The following PELO variants were observed in gnomAD, a reference collection of about 807,000 sequenced individuals.
PELO encodes protein pelota homolog.
PELO carries 19 observed loss-of-function variants against 25.9 expected under a neutral mutation model. That is an observed-to-expected ratio of 0.73 (90% CI 0.51 to 1.08). The LOEUF (loss-of-function observed/expected upper bound fraction) is 1.08, where lower values mean the gene tolerates loss of function less well. PELO is among the 50% of genes least tolerant of loss of function. The pLI is 0.00. For missense variants in PELO, 498 were observed against 491.4 expected, an observed-to-expected ratio of 1.01 and a Z score of -0.13; for synonymous variants, 196 against 192.2, an observed-to-expected ratio of 1.02 and a Z score of -0.16.
intron 1 of PELO, among the ~76,000 whole-genome samples, chr5:52,793,720 G>A (rs1023984010): frequency 2.0e-5 from 3 of 151,974 alleles, no homozygotes; most frequent in Non-Finnish European, 4.4e-5. Flanking sequence ...CTCTTCAAGT[G>A]CCAAGTTTAT....
chr5:52,798,037 T>C (rs1288276402), intron 1 of PELO, among the ~76,000 whole-genome samples: 1 of 152,194 alleles, frequency 6.6e-6, no homozygotes, highest in African/African-American at 2.4e-5. Context: ...CTCTCTCTCT[T>C]TCTCTCTCAC....
At position 52,802,837 on chromosome 5, in the gene PELO, T is replaced by G. The variant is rs1748515727; in HGVS notation, c.*997T>G. The G allele has an allele frequency of 6.6e-6, 1 of 152,224 alleles. No homozygotes were observed. Among genetic ancestry groups the G allele is most frequent in the South Asian group, 2.1e-4 (1 of 4,836 alleles). 9.4% of individuals were successfully genotyped at this position (152,224 alleles called of 1,614,324 possible). A position where few individuals can be genotyped will look rare whatever the true frequency, so the allele number is the denominator to read the frequency against. ...AGTCACATGACTAGTATGTGGCAGT[T>G]GACTTAAACTCCAATACTCTTTACT... is the stretch of plus-strand genomic sequence containing the variant. On this transcript the variant is annotated 3_prime_UTR_variant, in exon 3 of 3. Transcript: ENST00000274311.
intron 1 of PELO, among the ~76,000 whole-genome samples, chr5:52,793,026 A>G (rs1318480787): frequency 1.3e-5 from 2 of 152,132 alleles, no homozygotes; most frequent in Non-Finnish European, 2.9e-5. Context: ...GGGACTTTGC[A>G]TAAGTAGTTA....
intron 2 of PELO, 71 bp downstream of exon 2, chr5:52,801,191 A>G (rs746484504): frequency 4.9e-5 from 69 of 1,415,252 alleles, no homozygotes; most frequent in Non-Finnish European, 6.0e-5. Context: ...CTAAAGTTTT[A>G]GAACTGGGAA....
Position 52,803,798 on chromosome 5 carries a change from C to T in PELO, c.*1958C>T, listed in dbSNP as rs191497678. The T allele has an allele frequency of 5.3e-5, 8 of 152,190 alleles. No individual in the cohort carries two copies. In the East Asian group the frequency reaches 1.4e-3, roughly 26 times the overall value. The allele number at this position is 152,190 out of a possible 1,614,324, so 9.4% of individuals were successfully genotyped here. A position where few individuals can be genotyped will look rare whatever the true frequency, so the allele number is the denominator to read the frequency against. ...TCTTTTGTAGACCTACTGAGACAGGCGCTACCTGTACCAACATCTCTAGAT... is the reference window on the plus strand; with the variant it reads ...TCTTTTGTAGACCTACTGAGACAGGTGCTACCTGTACCAACATCTCTAGAT... On this transcript the variant is annotated 3_prime_UTR_variant, in exon 3 of 3. Transcript: ENST00000274311.
chr5:52,798,465 G>A (rs191245718), intron 1 of PELO, among the ~76,000 whole-genome samples: 21 of 152,278 alleles, frequency 1.4e-4, no homozygotes, highest in Non-Finnish European at 2.9e-4. Flanking sequence ...GTTGAGACAA[G>A]TCTCAATCAT....
In PELO at chr5:52,802,044, T is replaced by C. The variant is rs935725471; in HGVS notation, c.*204T>C. 1.8e-5 allele frequency: 9 copies of C among 496,982 alleles called. No homozygotes were observed. Among genetic ancestry groups the C allele is most frequent in the African/African-American group, 9.6e-5 (5 of 51,828 alleles). The allele number at this position is 496,982 out of a possible 1,614,324, so 30.8% of individuals were successfully genotyped here. A position where few individuals can be genotyped will look rare whatever the true frequency, so the allele number is the denominator to read the frequency against. ...CTAAAAGGAAATAATCTCCACGTACTACCATCTTGATTAAATTGTGTAATT... is the reference window on the plus strand; with the variant it reads ...CTAAAAGGAAATAATCTCCACGTACCACCATCTTGATTAAATTGTGTAATT... On this transcript the variant is annotated 3_prime_UTR_variant, in exon 3 of 3. Transcript: ENST00000274311.
Position 52,800,722 on chromosome 5 carries a change from T to G in PELO, c.328T>G (p.Phe110Val), listed in dbSNP as rs1748457708. ...HTIELEPNRQ[F>V]TLAKKQWDSV... ...CATCGAGCTGGAGCCCAACCGCCAG[T>G]TCACCCTGGCCAAGAAGCAGTGGGA... Residue 110 changes from phenylalanine to valine, a missense_variant, in exon 2 of 3, where the codon TTC (phenylalanine) becomes GTC (valine). Coordinates refer to ENST00000274311, the MANE Select transcript of PELO (RefSeq NM_015946.5). 1.9e-6 allele frequency: 3 copies of G among 1,614,050 alleles called. No homozygotes were observed. The African/African-American group carries it at 4.0e-5, about 22-fold the overall frequency.
chr5:52,795,756 T>C (rs12188019), intron 1 of PELO, among the ~76,000 whole-genome samples: 39,774 of 151,806 alleles, frequency 0.26, 5,548 homozygotes, highest in Non-Finnish European at 0.31. Context: ...CTCTATAATT[T>C]ATTAATATCA....
At chr5:52,788,441 T>A (rs1338552432) in intron 1 of PELO, 27 bp downstream of exon 1, 1 of 1,486,266 alleles carries the variant, frequency 6.7e-7, no homozygotes, top group Non-Finnish European at 8.9e-7. Flanking sequence ...TCTCTGAGCA[T>A]CTCCTGCTCG....
At chr5:52,796,036 T>TTTTAG (rs1748335411) in intron 1 of PELO, among the ~76,000 whole-genome samples, 1 of 151,932 alleles carries the variant, frequency 6.6e-6, no homozygotes, top group Non-Finnish European at 1.5e-5. Context: ...AAAACAAATA[T>TTTTAG]GTTAGGATGA....
chr5:52,798,511 G>A (rs539932888), intron 1 of PELO, among the ~76,000 whole-genome samples: 1 of 152,254 alleles, frequency 6.6e-6, no homozygotes, highest in African/African-American at 2.4e-5. Flanking sequence ...AAGGACGTGC[G>A]CGGGGAAGAC....
chr5:52,801,943 T>C lies in PELO; in HGVS notation c.*103T>C. The C allele has an allele frequency of 1.3e-6, 1 of 790,728 alleles. No individual in the cohort carries two copies. The highest frequency in any genetic ancestry group is 2.6e-5 in the East Asian group (1 of 37,904). 49.0% of individuals were successfully genotyped at this position (790,728 alleles called of 1,614,324 possible). ...AAGCTGCAAGAATGGCACTTTTTGA[T>C]TCATACAGGGATTTCTTATGTCTTT... On this transcript the variant is annotated 3_prime_UTR_variant, in exon 3 of 3. Transcript: ENST00000274311.
At position 52,801,017 on chromosome 5, in the gene PELO, C is replaced by G; in HGVS notation, c.623C>G (p.Ala208Gly). The G allele has an allele frequency of 6.2e-7, 1 of 1,614,046 alleles. No homozygotes were observed. Among genetic ancestry groups the G allele is most frequent in the Middle Eastern group, 1.6e-4 (1 of 6,062 alleles). Residue 208 changes from alanine to glycine, a missense_variant, in exon 2 of 3, where the codon GCC becomes GGC. Transcript: ENST00000274311. Reference sequence around the variant, plus strand: ...GATGTTGTAAAGTGCATCCTGGTGGCCAGCCCAGGATTTGTGAGGGAGCAG... The same window carrying G: ...GATGTTGTAAAGTGCATCCTGGTGGGCAGCCCAGGATTTGTGAGGGAGCAG... ...HFDVVKCILV[A>G]SPGFVREQFC...
intron 1 of PELO, among the ~76,000 whole-genome samples, chr5:52,794,500 T>TACACACACACACACAC (rs56996823): frequency 4.2e-4 from 60 of 141,912 alleles, no homozygotes; most frequent in Middle Eastern, 3.6e-3. Flanking sequence ...CAAATAGAAA[T>TACACACACACACACAC]ACACACACAC....
chr5:52,788,169 T>G lies in PELO; in HGVS notation c.-756T>G. 6.3e-6 allele frequency: 3 copies of G among 475,876 alleles called. No homozygotes were observed. The highest frequency in any genetic ancestry group is 1.1e-5 in the Non-Finnish European group (3 of 268,460). The allele number at this position is 475,876 out of a possible 1,614,324, so 29.5% of individuals were successfully genotyped here. On this transcript the variant is annotated 5_prime_UTR_variant, in exon 1 of 3. Transcript: ENST00000274311. Reference sequence around the variant, plus strand: ...TGGGATGTGAAAAGCGTGGAGCGCATTTAGAGGAATTCGACGAAAACACAG... The same window carrying G: ...TGGGATGTGAAAAGCGTGGAGCGCAGTTAGAGGAATTCGACGAAAACACAG...
intron 1 of PELO, among the ~76,000 whole-genome samples, chr5:52,788,906 A>AG (rs968232131): frequency 6.6e-6 from 1 of 152,192 alleles, no homozygotes; most frequent in Non-Finnish European, 1.5e-5. Flanking sequence ...AAGAAAAGGC[A>AG]GGGATGCAAG....
rs144148189 is a variant in PELO, at chr5:52,800,785, C to A, written c.391C>A (p.Pro131Thr). 1 of 1,613,858 alleles carries A rather than the reference C, an allele frequency of 6.2e-7. No homozygotes were observed. The highest frequency in any genetic ancestry group is 8.5e-7 in the Non-Finnish European group (1 of 1,179,844). Residue 131 changes from proline to threonine, a missense_variant, in exon 2 of 3, where the codon CCA (proline) becomes ACA (threonine). Pro to Thr is a conservative substitution (Grantham distance 38). Coordinates refer to ENST00000274311, the MANE Select transcript of PELO (RefSeq NM_015946.5). ...VLERIEQACD[P>T]AWSADVAAVV... is the part of the protein sequence containing the mutation. ...GGAGCGCATCGAGCAGGCCTGTGAC[C>A]CAGCCTGGAGCGCTGATGTGGCGGC...
Position 52,800,289 on chromosome 5 carries a change from C to G in PELO, c.-106C>G. The G allele has an allele frequency of 1.6e-6, 2 of 1,282,470 alleles. No individual in the cohort carries two copies. Among genetic ancestry groups the G allele is most frequent in the Non-Finnish European group, 2.2e-6 (2 of 912,504 alleles). The allele number at this position is 1,282,470 out of a possible 1,614,324, so 79.4% of individuals were successfully genotyped here. A position where few individuals can be genotyped will look rare whatever the true frequency, so the allele number is the denominator to read the frequency against. The stretch of plus-strand genomic sequence containing the variant: ...CCCGCCAGGCAAGTGCCCTTAGAAA[C>G]CGGGCCCCGCCCCCTTCCTGGCCTG... On this transcript the variant is annotated 5_prime_UTR_variant, in exon 2 of 3. Coordinates refer to ENST00000274311, the MANE Select transcript of PELO (RefSeq NM_015946.5).
Sources: gnomAD v4.1 joint callset for allele counts (sites outside exome capture counted in the v4.1 genomes callset) on GRCh38, gnomAD v4.1.1 for gene constraint, MANE v1.5 for transcripts, NCBI Gene and HGNC (gene_info 2026-07-23, HGNC 2026-07-21) for gene names.